UBE2F: variants seen among roughly 807,000 people sequenced by gnomAD.
The protein encoded by UBE2F is ubiquitin conjugating enzyme E2 F (putative).
In UBE2F, 5 loss-of-function variants were observed where a neutral mutation model predicts 29.6. The observed-to-expected ratio is 0.17, with a 90% CI of 0.09 to 0.36. The LOEUF (loss-of-function observed/expected upper bound fraction) is 0.36. Among genes scored for constraint, UBE2F ranks in the 10% least tolerant of loss-of-function variants. The probability of loss-of-function intolerance (pLI) is 1.00; values close to 1 mark genes in which losing one functional copy is unlikely to be tolerated. For synonymous variants in UBE2F, 66 were observed against 81.8 expected (o/e 0.81, Z 1.04); for missense variants, 141 against 228.5 (o/e 0.62, Z 2.47).
At chr2:238,027,515 A>G (rs975011134) in intron 6 of UBE2F, among the ~76,000 whole-genome samples, 1 of 152,082 alleles carries the variant, frequency 6.6e-6, no homozygotes, top group African/African-American at 2.4e-5. Flanking sequence ...TGTGACAGAG[A>G]GCGAGCAGGC....
chr2:238,035,659 G>A (rs2064691717), intron 8 of UBE2F: 3 of 511,294 alleles, frequency 5.9e-6, no homozygotes, highest in Non-Finnish European at 1.1e-5. Context: ...ACATATCTCT[G>A]ACTTCTTTCA....
chr2:238,029,907 T>C lies in UBE2F; in HGVS notation c.354-649T>C, dbSNP rs1316532886. Reference sequence around the variant, plus strand: ...CTCTAAGCTTCAGTTACTCCTGTTGTCATGTTGTCATTTTGTTGCCATTGT... The same window carrying C: ...CTCTAAGCTTCAGTTACTCCTGTTGCCATGTTGTCATTTTGTTGCCATTGT... On this transcript the variant is annotated intron_variant, in intron 6 of 9. Transcript: ENST00000272930. Among the ~76,000 whole-genome samples, 4 of 152,130 alleles carry C rather than the reference T, an allele frequency of 2.6e-5. No individual in the cohort carries two copies. The East Asian group carries it at 7.7e-4, about 29-fold the overall frequency.
chr2:237,984,652 A>G (rs2063443182), intron 2 of UBE2F, among the ~76,000 whole-genome samples: 1 of 152,240 alleles, frequency 6.6e-6, no homozygotes, highest in Admixed American at 6.5e-5. Flanking sequence ...TCTGAGGCAC[A>G]GAGGACGTTG....
At chr2:238,033,449 G>T (rs2064632187) in intron 8 of UBE2F, among the ~76,000 whole-genome samples, 1 of 152,074 alleles carries the variant, frequency 6.6e-6, no homozygotes, top group Admixed American at 6.6e-5. Flanking sequence ...TATGATCTTG[G>T]ATGGTCCACC....
chr2:238,034,263 C>CTTT (rs1382919266), intron 8 of UBE2F, among the ~76,000 whole-genome samples: 3 of 149,566 alleles, frequency 2.0e-5, no homozygotes, highest in Non-Finnish European at 4.4e-5. Flanking sequence ...CTCACCTCTA[C>CTTT]TAAAAAAAAA....
chr2:238,008,403 A>C (rs2063950467), intron 4 of UBE2F, among the ~76,000 whole-genome samples: 1 of 152,176 alleles, frequency 6.6e-6, no homozygotes, highest in African/African-American at 2.4e-5. Flanking sequence ...GGCTTCACTA[A>C]TTTGTGTCCT....
At chr2:237,996,444 G>C (rs956565455) in intron 4 of UBE2F, among the ~76,000 whole-genome samples, 1 of 149,806 alleles carries the variant, frequency 6.7e-6, no homozygotes. Flanking sequence ...TGGCAAGTCT[G>C]GATAAATGTT....
At chr2:238,020,019 C>A (rs919171462) in intron 5 of UBE2F, among the ~76,000 whole-genome samples, 1 of 152,286 alleles carries the variant, frequency 6.6e-6, no homozygotes, top group Non-Finnish European at 1.5e-5. Flanking sequence ...TGTGGGGCAA[C>A]TTCTAGGGGC....
At position 237,967,087 on chromosome 2, in the gene UBE2F, A is replaced by G. The variant is rs2063069700; in HGVS notation, c.-62A>G. ...CTCGCAGCAGCCGCCCGGACCGGGC[A>G]TGGTGTTGGGCGCCGGGCCCGCCTC... is the stretch of plus-strand genomic sequence containing the variant. On this transcript the variant is annotated 5_prime_UTR_variant, in exon 1 of 10. An upstream start codon of the reference 5' UTR is lost. Transcript: ENST00000272930. The surrounding 1 kb of genome is among the most constrained non-coding windows in gnomAD (Gnocchi z 6.3). 7.4e-7 allele frequency: 1 copy of G among 1,346,198 alleles called. No individual in the cohort carries two copies. The highest frequency in any genetic ancestry group is 9.6e-7 in the Non-Finnish European group (1 of 1,045,816). The allele number at this position is 1,346,198 out of a possible 1,614,324, so 83.4% of individuals were successfully genotyped here.
chr2:237,968,274 A>G (rs1005445741), intron 1 of UBE2F, among the ~76,000 whole-genome samples: 2 of 152,150 alleles, frequency 1.3e-5, no homozygotes, highest in Non-Finnish European at 2.9e-5. Context: ...CCACCTGGAC[A>G]TACCTGCCTT....
rs1576628637 is a variant in UBE2F at position 238,019,398 on chromosome 2, TAC to T, written c.282+2767_282+2768del. On this transcript the variant is annotated intron_variant, in intron 5 of 9. Coordinates refer to ENST00000272930, the MANE Select transcript of UBE2F (RefSeq NM_080678.3). ...CCTGTCCCCCCTGCCTTTTTTTTGA[TAC>T]AGAGTCTCACTCTGTTGCCCAGGCT... Among the ~76,000 whole-genome samples the T allele has an allele frequency of 2.0e-5, 3 of 152,132 alleles. No individual in the cohort carries two copies. In the East Asian group the frequency reaches 5.8e-4, roughly 29 times the overall value.
chr2:238,003,108 C>T (rs1210637189), intron 4 of UBE2F, among the ~76,000 whole-genome samples: 2 of 151,962 alleles, frequency 1.3e-5, no homozygotes, highest in African/African-American at 2.4e-5. Flanking sequence ...AATTTATACT[C>T]TCATCCCTGT....
Position 238,041,411 on chromosome 2 carries a change from C to T in UBE2F, c.*73C>T. On this transcript the variant is annotated 3_prime_UTR_variant, in exon 10 of 10. Transcript: ENST00000272930. ...TAACATGAAACAGCAAGAGGTAGCC[C>T]CCTCTCCCGTCCTCATGCTCCCTCT... 1 of 1,525,256 alleles carries T rather than the reference C, an allele frequency of 6.6e-7. No homozygotes were observed. Among genetic ancestry groups the T allele is most frequent in the Non-Finnish European group, 9.1e-7 (1 of 1,102,186 alleles). The allele number at this position is 1,525,256 out of a possible 1,614,324, so 94.5% of individuals were successfully genotyped here. A position where few individuals can be genotyped will look rare whatever the true frequency, so the allele number is the denominator to read the frequency against.
In UBE2F at chr2:238,042,238, G is replaced by C. The variant is rs1432597063; in HGVS notation, c.*900G>C. The C allele has an allele frequency of 6.6e-6, 1 of 152,270 alleles. No homozygotes were observed. The highest frequency in any genetic ancestry group is 2.4e-5 in the African/African-American group (1 of 41,464). The allele number at this position is 152,270 out of a possible 1,614,324, so 9.4% of individuals were successfully genotyped here. A position where few individuals can be genotyped will look rare whatever the true frequency, so the allele number is the denominator to read the frequency against. On this transcript the variant is annotated 3_prime_UTR_variant, in exon 10 of 10. Coordinates refer to ENST00000272930, the MANE Select transcript of UBE2F (RefSeq NM_080678.3). ...AGGAAACTGGCTGGAGCCTGGACCA[G>C]CTGGGGTTGATGCTTTTGCAGTGGT... is the stretch of plus-strand genomic sequence containing the variant.
chr2:237,979,369 G>T (rs1388517680), intron 2 of UBE2F, among the ~76,000 whole-genome samples: 1 of 152,222 alleles, frequency 6.6e-6, no homozygotes, highest in Admixed American at 6.5e-5. Flanking sequence ...CCAGTCACAG[G>T]TGGGACCCCT....
intron 5 of UBE2F, among the ~76,000 whole-genome samples, chr2:238,024,509 C>T (rs537398633): frequency 6.6e-6 from 1 of 152,248 alleles, no homozygotes; most frequent in South Asian, 2.1e-4. Context: ...CCATGCCCAG[C>T]TCTTTTTTTT....
rs765211077 is a variant in UBE2F, at chr2:238,032,215, A to C, written c.412-7A>C. On this transcript the variant is annotated splice_polypyrimidine_tract_variant and splice_region_variant and intron_variant, in intron 7 of 9. Transcript: ENST00000272930. ...AAACTTGTTTTCTGTTTTCTTTTTTATTTCAGGATGTCGTTTGGGGATTAA... is the reference window on the plus strand; with the variant it reads ...AAACTTGTTTTCTGTTTTCTTTTTTCTTTCAGGATGTCGTTTGGGGATTAA... The C allele has an allele frequency of 1.2e-6, 2 of 1,612,434 alleles. No individual in the cohort carries two copies. Among genetic ancestry groups the C allele is most frequent in the East Asian group, 4.5e-5 (2 of 44,862 alleles).
intron 4 of UBE2F, among the ~76,000 whole-genome samples, chr2:237,997,846 A>G (rs115200240): frequency 6.6e-6 from 1 of 152,370 alleles, no homozygotes; most frequent in African/African-American, 2.4e-5. Context: ...GGGAAAAGAA[A>G]GGGACCGAAT....
intron 4 of UBE2F, chr2:238,003,588 G>A (rs866555343): frequency 7.1e-6 from 2 of 281,100 alleles, no homozygotes; most frequent in South Asian, 6.6e-5. Flanking sequence ...ACAGATTCTG[G>A]TGGTCTCCAG....
Sources: allele counts gnomAD v4.1 joint callset (sites outside exome capture counted in the v4.1 genomes callset), GRCh38; gene constraint gnomAD v4.1.1; non-coding constraint Gnocchi (gnomAD v3.1); transcripts MANE v1.5; gene names NCBI Gene and HGNC (gene_info 2026-07-23, HGNC 2026-07-21).